SNTG2: variants seen among roughly 807,000 people sequenced by gnomAD.
SNTG2 encodes syntrophin gamma 2.
SNTG2 carries 74 observed loss-of-function variants against 70.9 expected under a neutral mutation model. The ratio of observed to expected loss-of-function variants is 1.04; its 90% CI spans 0.86 to 1.27. The LOEUF is 1.27. SNTG2 is among the 50% of genes most tolerant of loss of function. The pLI is 0.00. For synonymous variants in SNTG2, 278 were observed against 273.8 expected (o/e 1.02, Z -0.15); for missense variants, 717 against 690.7 (o/e 1.04, Z -0.43).
chr2:1,221,280 CCT>C (rs1227708989), intron 9 of SNTG2, among the ~76,000 whole-genome samples: 2 of 9,658 alleles, frequency 2.1e-4, no homozygotes, highest in African/African-American at 1.2e-3. Flanking sequence ...TCTGTCTCTG[CCT>C]CTCTCTGTCT....
intron 9 of SNTG2, among the ~76,000 whole-genome samples, chr2:1,209,721 A>C (rs952164358): frequency 6.6e-6 from 1 of 152,170 alleles, no homozygotes; most frequent in Non-Finnish European, 1.5e-5. Flanking sequence ...GTAACTATAA[A>C]AGTTGATGTT....
At chr2:1,316,455 C>G in intron 16 of SNTG2, 80 bp downstream of exon 16, 1 of 668,360 alleles carries the variant, frequency 1.5e-6, no homozygotes, top group Non-Finnish European at 2.6e-6. Context: ...GTAAAAATCT[C>G]CACCCCTCCC....
chr2:1,171,403 G>A (rs1258446404), intron 7 of SNTG2, among the ~76,000 whole-genome samples: 1 of 152,204 alleles, frequency 6.6e-6, no homozygotes, highest in Non-Finnish European at 1.5e-5. Flanking sequence ...TTGGAAGACT[G>A]CAGTCATTAA....
At chr2:1,336,174 G>C (rs1659806650) in intron 16 of SNTG2, among the ~76,000 whole-genome samples, 1 of 152,072 alleles carries the variant, frequency 6.6e-6, no homozygotes, top group Non-Finnish European at 1.5e-5. Flanking sequence ...TACCAGTTTG[G>C]AGGTGTCAAT....
chr2:1,168,333 G>C (rs990692439), intron 7 of SNTG2, among the ~76,000 whole-genome samples: 3 of 152,172 alleles, frequency 2.0e-5, no homozygotes, highest in African/African-American at 7.2e-5. Flanking sequence ...CCCACAGACG[G>C]CAGAACTAAC....
At chr2:1,221,173 C>T (rs1674737423) in intron 9 of SNTG2, among the ~76,000 whole-genome samples, 1 of 152,222 alleles carries the variant, frequency 6.6e-6, no homozygotes, top group African/African-American at 2.4e-5. Context: ...TGGTCCCCAC[C>T]CGCACTGTGT....
chr2:994,329 A>G (rs1425862668), intron 1 of SNTG2, among the ~76,000 whole-genome samples: 1 of 152,050 alleles, frequency 6.6e-6, no homozygotes, highest in East Asian at 1.9e-4. Context: ...GTGAGGGTTT[A>G]TTTCTGGATA....
intron 14 of SNTG2, among the ~76,000 whole-genome samples, chr2:1,283,652 T>C (rs892256458): frequency 6.6e-6 from 1 of 152,152 alleles, no homozygotes; most frequent in Non-Finnish European, 1.5e-5. Context: ...CACCACAGCC[T>C]GTGTGTGGCC....
At chr2:1,192,864 G>C (rs1487490177) in intron 8 of SNTG2, among the ~76,000 whole-genome samples, 7 of 152,328 alleles carry the variant, frequency 4.6e-5, no homozygotes, top group African/African-American at 1.7e-4. Flanking sequence ...TCAGATTTAT[G>C]GCAGATAAAG....
chr2:1,203,671 AAAAT>A (rs1359766324), intron 8 of SNTG2, among the ~76,000 whole-genome samples: 1 of 67,082 alleles, frequency 1.5e-5, no homozygotes, highest in South Asian at 5.3e-4. Context: ...AACAAAAAAA[AAAAT>A]ATATATATAT....
intron 12 of SNTG2, among the ~76,000 whole-genome samples, chr2:1,252,116 G>A (rs927330580): frequency 6.6e-6 from 1 of 152,196 alleles, no homozygotes; most frequent in Non-Finnish European, 1.5e-5. Flanking sequence ...GAGGCTGCAG[G>A]AACCGTGAGT....
chr2:1,267,693 A>C, intron 14 of SNTG2, 122 bp downstream of exon 14: 1 of 899,134 alleles, frequency 1.1e-6, no homozygotes, highest in Non-Finnish European at 1.7e-6. Context: ...AGAATCTTTC[A>C]CCGGAGCTAC....
chr2:1,131,930 G>C (rs28439899), intron 4 of SNTG2, among the ~76,000 whole-genome samples: 1 of 151,878 alleles, frequency 6.6e-6, no homozygotes, highest in African/African-American at 2.4e-5. Context: ...GATTATAGGC[G>C]TGAGCCACCG....
chr2:1,313,755 G>T (rs1681129054), intron 15 of SNTG2, among the ~76,000 whole-genome samples: 2 of 152,156 alleles, frequency 1.3e-5, no homozygotes, highest in Non-Finnish European at 2.9e-5. Context: ...TGCGCCCATG[G>T]AGCCCCAACT....
intron 6 of SNTG2, among the ~76,000 whole-genome samples, chr2:1,161,848 G>A (rs1018213505): frequency 2.6e-5 from 4 of 152,234 alleles, no homozygotes; most frequent in Middle Eastern, 3.4e-3. Context: ...GCCGAGGCGG[G>A]CGGATCACGA....
intron 8 of SNTG2, among the ~76,000 whole-genome samples, chr2:1,207,582 G>T (rs1673718805): frequency 6.6e-6 from 1 of 152,202 alleles, no homozygotes; most frequent in Non-Finnish European, 1.5e-5. Flanking sequence ...TGAGGTGGAG[G>T]AGAATGAGAA....
At chr2:1,326,478 A>G (rs1011030783) in intron 16 of SNTG2, among the ~76,000 whole-genome samples, 2 of 152,232 alleles carry the variant, frequency 1.3e-5, no homozygotes, top group African/African-American at 4.8e-5. Flanking sequence ...CATTTAAACA[A>G]AGTGATAATC....
intron 9 of SNTG2, among the ~76,000 whole-genome samples, chr2:1,235,658 A>G (rs1676597616): frequency 7.4e-6 from 1 of 135,742 alleles, no homozygotes; most frequent in Non-Finnish European, 1.6e-5. Flanking sequence ...AGGCACCCTT[A>G]CCCCCACGCT....
chr2:974,090 A>G (rs1427277918), intron 1 of SNTG2, among the ~76,000 whole-genome samples: 1 of 152,096 alleles, frequency 6.6e-6, no homozygotes, highest in Admixed American at 6.5e-5. Flanking sequence ...TTTTTAGCTT[A>G]TAAAACTAAG....
Sources: gnomAD v4.1 joint callset for allele counts (sites outside exome capture counted in the v4.1 genomes callset) on GRCh38, gnomAD v4.1.1 for gene constraint, MANE v1.5 for transcripts, NCBI Gene and HGNC (gene_info 2026-07-23, HGNC 2026-07-21) for gene names.